UBE2E2: variants seen among roughly 807,000 people sequenced by gnomAD.
UBE2E2 encodes ubiquitin-conjugating enzyme E2 E2.
UBE2E2 carries 6 observed loss-of-function variants against 24.7 expected under a neutral mutation model. That is an observed-to-expected ratio of 0.24 (90% confidence interval 0.13 to 0.48). The LOEUF (loss-of-function observed/expected upper bound fraction) is 0.48, where lower values mean the gene tolerates loss of function less well. Ranked by LOEUF, UBE2E2 falls within the 20% of genes least tolerant of loss-of-function variation. The pLI, the probability that UBE2E2 is intolerant of heterozygous loss-of-function variation, is 0.99. For synonymous variants in UBE2E2, 104 were observed against 83.6 expected, an observed-to-expected ratio of 1.24 and a Z score of -1.33; for missense variants, 169 against 245.0, an observed-to-expected ratio of 0.69 and a Z score of 2.07.
chr3:23,442,998 G>A (rs950929664), intron 3 of UBE2E2, among the ~76,000 whole-genome samples: 4 of 152,110 alleles, frequency 2.6e-5, no homozygotes, highest in African/African-American at 9.7e-5. Context: ...TATTACCTGT[G>A]TCCCCTACTA....
intron 3 of UBE2E2, among the ~76,000 whole-genome samples, chr3:23,298,363 G>T (rs1487074802): frequency 2.0e-5 from 3 of 151,866 alleles, no homozygotes; most frequent in Non-Finnish European, 2.9e-5. Flanking sequence ...CCTGTCTTGT[G>T]CCAGTTTTCA....
intron 5 of UBE2E2, among the ~76,000 whole-genome samples, chr3:23,545,935 C>A (rs529756943): frequency 6.6e-6 from 1 of 152,144 alleles, no homozygotes; most frequent in Non-Finnish European, 1.5e-5. Flanking sequence ...CTTAAGTTCT[C>A]ACTTATAAAG....
intron 3 of UBE2E2, among the ~76,000 whole-genome samples, chr3:23,308,329 G>A (rs2125273466): frequency 6.6e-6 from 1 of 152,196 alleles, no homozygotes; most frequent in Middle Eastern, 3.4e-3. Context: ...ACAGACATGA[G>A]TTCTCCCATT....
intron 3 of UBE2E2, among the ~76,000 whole-genome samples, chr3:23,489,683 ATGAAGCTT>A (rs1699454568): frequency 6.6e-6 from 1 of 152,192 alleles, no homozygotes; most frequent in Non-Finnish European, 1.5e-5. Flanking sequence ...GTAAATACAC[ATGAAGCTT>A]TGCTCACTCA....
intron 3 of UBE2E2, chr3:23,271,142 T>G (rs1337288593): frequency 2.4e-6 from 1 of 420,192 alleles, no homozygotes; most frequent in African/African-American, 2.1e-5. Context: ...CTAATGGACC[T>G]TCAAAAGATG....
At chr3:23,550,342 G>A (rs1308771862) in intron 5 of UBE2E2, among the ~76,000 whole-genome samples, 1 of 152,072 alleles carries the variant, frequency 6.6e-6, no homozygotes, top group Non-Finnish European at 1.5e-5. Flanking sequence ...TGGCCAAAGG[G>A]CTCCCCGTGA....
At chr3:23,317,480 T>C (rs1479153974) in intron 3 of UBE2E2, among the ~76,000 whole-genome samples, 1 of 152,206 alleles carries the variant, frequency 6.6e-6, no homozygotes, top group Non-Finnish European at 1.5e-5. Context: ...TGTATTAGTC[T>C]GTTTTCACAC....
intron 5 of UBE2E2, among the ~76,000 whole-genome samples, chr3:23,573,333 G>T (rs1049705412): frequency 6.6e-6 from 1 of 152,100 alleles, no homozygotes; most frequent in Non-Finnish European, 1.5e-5. Flanking sequence ...CATCAAACCA[G>T]AAAATATTAA....
intron 1 of UBE2E2, among the ~76,000 whole-genome samples, chr3:23,207,598 G>T (rs1696185935): frequency 6.6e-6 from 1 of 152,160 alleles, no homozygotes; most frequent in Non-Finnish European, 1.5e-5. Flanking sequence ...CTAGTTTGGA[G>T]AATTTTAACC....
intron 3 of UBE2E2, chr3:23,449,842 C>G: frequency 1.0e-6 from 1 of 985,076 alleles, no homozygotes; most frequent in Non-Finnish European, 1.2e-6. Context: ...TGAAATTTCC[C>G]ATTTTTCACT....
chr3:23,359,738 A>T (rs1171083120), intron 3 of UBE2E2, among the ~76,000 whole-genome samples: 1 of 152,078 alleles, frequency 6.6e-6, no homozygotes, highest in African/African-American at 2.4e-5. Flanking sequence ...TAATAATTTT[A>T]TTACTCAGGA....
intron 4 of UBE2E2, among the ~76,000 whole-genome samples, chr3:23,515,693 A>C (rs1367062780): frequency 1.3e-5 from 2 of 152,136 alleles, no homozygotes; most frequent in African/African-American, 2.4e-5. Context: ...GCAGTGGCTA[A>C]CGCCTATAAT....
intron 5 of UBE2E2, among the ~76,000 whole-genome samples, chr3:23,544,984 A>T (rs985550399): frequency 2.0e-5 from 3 of 152,232 alleles, no homozygotes; most frequent in Non-Finnish European, 2.9e-5. Context: ...TTAGATATGC[A>T]TACACATAAA....
intron 3 of UBE2E2, among the ~76,000 whole-genome samples, chr3:23,248,908 A>G (rs771926086): frequency 5.3e-5 from 8 of 152,180 alleles, no homozygotes; most frequent in Admixed American, 3.3e-4. Flanking sequence ...AGAATACTTG[A>G]CCGACTGATT....
chr3:23,404,773 A>G (rs915153893), intron 3 of UBE2E2, among the ~76,000 whole-genome samples: 5 of 152,186 alleles, frequency 3.3e-5, no homozygotes, highest in African/African-American at 1.2e-4. Context: ...TTGCCAATGT[A>G]TGTCTGTCTG....
At chr3:23,519,879 T>C (rs1694824091) in intron 4 of UBE2E2, among the ~76,000 whole-genome samples, 1 of 152,090 alleles carries the variant, frequency 6.6e-6, no homozygotes, top group Non-Finnish European at 1.5e-5. Flanking sequence ...AGACGGAGTT[T>C]TACCATGTTG....
Position 23,254,078 on chromosome 3 carries a change from C to T in UBE2E2, c.227+36766C>T, listed in dbSNP as rs535173025. On this transcript the variant is annotated intron_variant, in intron 3 of 5. Transcript: ENST00000396703. The stretch of plus-strand genomic sequence containing the variant: ...TGCTATTGACATGAAAGAGACATAA[C>T]CACATGTTCTGAGAGTACCCTCAAA... Among the ~76,000 whole-genome samples, 4 of 152,258 alleles carry T rather than the reference C, an allele frequency of 2.6e-5. No individual in the cohort carries two copies. In the Middle Eastern group the frequency reaches 0.01, roughly 388 times the overall value.
chr3:23,296,269 A>G (rs959555274), intron 3 of UBE2E2, among the ~76,000 whole-genome samples: 1 of 152,130 alleles, frequency 6.6e-6, no homozygotes, highest in Non-Finnish European at 1.5e-5. Flanking sequence ...ATTTCCAGTC[A>G]CAAAAAAATA....
intron 3 of UBE2E2, among the ~76,000 whole-genome samples, chr3:23,403,548 C>T (rs943591473): frequency 2.0e-5 from 3 of 152,182 alleles, no homozygotes; most frequent in African/African-American, 7.2e-5. Flanking sequence ...GGGCTGGGCA[C>T]AGTGGCTCAT....
Sources: allele counts gnomAD v4.1 joint callset (sites outside exome capture counted in the v4.1 genomes callset), GRCh38; gene constraint gnomAD v4.1.1; transcripts MANE v1.5; gene names NCBI Gene and HGNC (gene_info 2026-07-23, HGNC 2026-07-21).